TENM2: variants seen among roughly 807,000 people sequenced by gnomAD.
The protein encoded by TENM2 is teneurin-2.
TENM2 carries 52 observed loss-of-function variants against 245.2 expected under a neutral mutation model. The ratio of observed to expected loss-of-function variants is 0.21; its 90% CI spans 0.17 to 0.27. The LOEUF (loss-of-function observed/expected upper bound fraction) is 0.27, where lower values mean the gene tolerates loss of function less well. Ranked by LOEUF, TENM2 falls within the 10% of genes least tolerant of loss-of-function variation. TENM2 has a pLI of 1.00. For missense variants in TENM2, 3,046 were observed against 3,666.8 expected (o/e 0.83, Z 4.37); for synonymous variants, 1,363 against 1,438.9 (o/e 0.95, Z 1.19).
intron 27 of TENM2, among the ~76,000 whole-genome samples, chr5:168,258,930 C>T (rs1213080402): frequency 3.3e-5 from 5 of 151,924 alleles, no homozygotes; most frequent in African/African-American, 7.3e-5. Flanking sequence ...TACCTGTAAT[C>T]CTAGCACTTT....
chr5:167,417,023 CT>C (rs2127415462), intron 2 of TENM2, among the ~76,000 whole-genome samples: 1 of 152,240 alleles, frequency 6.6e-6, no homozygotes, highest in South Asian at 2.1e-4. Context: ...CAAAGATAAT[CT>C]ATAATCAAAT....
chr5:167,418,348 T>C (rs1250308893), intron 2 of TENM2, among the ~76,000 whole-genome samples: 1 of 151,978 alleles, frequency 6.6e-6, no homozygotes, highest in Admixed American at 6.6e-5. Context: ...TGGAGAAACG[T>C]ATAGAATCAA....
At chr5:167,908,865 T>C (rs1374001408) in intron 3 of TENM2, among the ~76,000 whole-genome samples, 1 of 151,876 alleles carries the variant, frequency 6.6e-6, no homozygotes, top group Non-Finnish European at 1.5e-5. Flanking sequence ...AATCTTTAGG[T>C]CTGCACACCA....
At chr5:168,127,274 A>C (rs1487804517) in intron 12 of TENM2, among the ~76,000 whole-genome samples, 1 of 152,194 alleles carries the variant, frequency 6.6e-6, no homozygotes, top group Non-Finnish European at 1.5e-5. Context: ...AGCACCTCAA[A>C]TCACTGTGGT....
At chr5:167,601,464 G>T (rs540071161) in intron 2 of TENM2, among the ~76,000 whole-genome samples, 32 of 152,322 alleles carry the variant, frequency 2.1e-4, no homozygotes, top group African/African-American at 7.5e-4. Context: ...TTTTACACCT[G>T]AAAACAGCAC....
chr5:167,815,991 TG>T (rs1767024117), intron 2 of TENM2, among the ~76,000 whole-genome samples: 1 of 151,500 alleles, frequency 6.6e-6, no homozygotes, highest in African/African-American at 2.4e-5. Context: ...TGTGTGTGTG[TG>T]TGTGTGTGTG....
the TENM2 span, among the ~76,000 whole-genome samples, chr5:167,247,659 A>G: frequency 6.6e-6 from 1 of 152,186 alleles, no homozygotes; most frequent in Non-Finnish European, 1.5e-5. Context: ...CTAGTTAAAA[A>G]GAACAAACCC....
intron 2 of TENM2, among the ~76,000 whole-genome samples, chr5:167,610,168 G>T (rs1364940516): frequency 2.0e-5 from 3 of 152,108 alleles, no homozygotes; most frequent in South Asian, 2.1e-4. Flanking sequence ...AGGCAGAAGA[G>T]AAGCATAGGA....
chr5:167,609,654 A>G (rs972351864), intron 2 of TENM2, among the ~76,000 whole-genome samples: 1 of 152,136 alleles, frequency 6.6e-6, no homozygotes, highest in Non-Finnish European at 1.5e-5. Flanking sequence ...GGTAGGGCAC[A>G]CGAAGGGGAT....
At chr5:168,135,170 C>A (rs1754937570) in intron 12 of TENM2, among the ~76,000 whole-genome samples, 1 of 152,210 alleles carries the variant, frequency 6.6e-6, no homozygotes, top group Non-Finnish European at 1.5e-5. Context: ...TTCACAGTTA[C>A]CCTCATTCCT....
intron 2 of TENM2, among the ~76,000 whole-genome samples, chr5:167,840,821 C>G (rs900404444): frequency 2.6e-5 from 4 of 152,166 alleles, no homozygotes; most frequent in Admixed American, 2.0e-4. Flanking sequence ...AATGTGTGGT[C>G]TATAATAATA....
the TENM2 span, among the ~76,000 whole-genome samples, chr5:167,190,996 TA>T: frequency 6.6e-6 from 1 of 152,138 alleles, no homozygotes; most frequent in South Asian, 2.1e-4. Flanking sequence ...TTTTCTTGAT[TA>T]ATTTTTGTTT....
chr5:167,500,063 T>G (rs1281243362), intron 2 of TENM2, among the ~76,000 whole-genome samples: 2 of 146,502 alleles, frequency 1.4e-5, no homozygotes, highest in African/African-American at 4.9e-5. Context: ...TATATGAGGG[T>G]GTGTGTGTGT....
chr5:167,611,083 C>T (rs1213253463), intron 2 of TENM2, among the ~76,000 whole-genome samples: 1 of 152,146 alleles, frequency 6.6e-6, no homozygotes, highest in Non-Finnish European at 1.5e-5. Flanking sequence ...TAGCTGTAGG[C>T]CTTCCCAAAA....
At chr5:166,987,332 G>T in the TENM2 span, among the ~76,000 whole-genome samples, 2 of 152,064 alleles carry the variant, frequency 1.3e-5, no homozygotes, top group Non-Finnish European at 2.9e-5. Flanking sequence ...GATGATTGCT[G>T]TCTGCTCTAG....
chr5:168,079,146 A>T (rs1341264097), intron 7 of TENM2, among the ~76,000 whole-genome samples: 1 of 122,996 alleles, frequency 8.1e-6, no homozygotes, highest in South Asian at 2.7e-4. Context: ...GGTCCTTCAC[A>T]TCCCTTGTAA....
At chr5:167,620,549 CTTTT>C (rs11455974) in intron 2 of TENM2, among the ~76,000 whole-genome samples, 143 of 73,334 alleles carry the variant, frequency 1.9e-3, no homozygotes, top group African/African-American at 6.5e-3. Flanking sequence ...TGCTTTTTGG[CTTTT>C]TTTTTTTTTT....
chr5:167,929,918 A>T (rs1778150557), intron 3 of TENM2, among the ~76,000 whole-genome samples: 1 of 152,216 alleles, frequency 6.6e-6, no homozygotes, highest in African/African-American at 2.4e-5. Context: ...AGATAGGAGC[A>T]CAAGTGAGCA....
intron 15 of TENM2, among the ~76,000 whole-genome samples, chr5:168,195,562 G>A (rs887176111): frequency 0.018 from 1,559 of 86,550 alleles, 21 homozygotes; most frequent in East Asian, 0.045. Context: ...GTGTGTGTGT[G>A]TGTGTGTGTG....
Sources: allele counts gnomAD v4.1 joint callset (sites outside exome capture counted in the v4.1 genomes callset), GRCh38; gene constraint gnomAD v4.1.1; transcripts MANE v1.5; gene names NCBI Gene and HGNC (gene_info 2026-07-23, HGNC 2026-07-21).